The following PXDC1 variants were observed in gnomAD, a reference collection of about 807,000 sequenced individuals.
PXDC1 encodes the protein PX domain-containing protein 1.
Under a neutral mutation model 24.4 loss-of-function variants are expected in PXDC1, and 13 were observed. The observed-to-expected ratio is 0.53, with a 90% confidence interval of 0.35 to 0.85. PXDC1 has a LOEUF of 0.85. PXDC1 is among the 40% of genes least tolerant of loss of function. The pLI is 0.01. For synonymous variants in PXDC1, 162 were observed against 124.9 expected (o/e 1.30, Z -1.98); for missense variants, 344 against 309.3 (o/e 1.11, Z -0.84).
chr6:3,734,595 C>G (rs1760273487), intron 3 of PXDC1, among the ~76,000 whole-genome samples: 1 of 152,116 alleles, frequency 6.6e-6, no homozygotes, highest in African/African-American at 2.4e-5. Flanking sequence ...ACCCAGTCAT[C>G]CTCACTCTCC....
chr6:3,749,853 G>A (rs994259999), intron 1 of PXDC1, among the ~76,000 whole-genome samples: 1 of 152,226 alleles, frequency 6.6e-6, no homozygotes. Flanking sequence ...AGGGACTCCA[G>A]TGTATTTAAG....
intron 3 of PXDC1, among the ~76,000 whole-genome samples, chr6:3,734,954 A>G (rs1218930508): frequency 6.6e-6 from 1 of 152,024 alleles, no homozygotes; most frequent in Non-Finnish European, 1.5e-5. Flanking sequence ...GCATGATGGG[A>G]TACGCCTGTA....
intron 1 of PXDC1, among the ~76,000 whole-genome samples, chr6:3,738,542 C>A (rs1377568213): frequency 6.6e-6 from 1 of 152,210 alleles, no homozygotes; most frequent in Admixed American, 6.5e-5. Context: ...ACCAGCCCAC[C>A]CCCAGTGACA....
chr6:3,751,165 G>C lies in PXDC1; in HGVS notation c.256+111C>G, dbSNP rs1760706282. 5 of 875,458 alleles carry C rather than the reference G, an allele frequency of 5.7e-6. No homozygotes were observed. The East Asian group carries it at 1.6e-4, about 28-fold the overall frequency. 54.2% of individuals were successfully genotyped at this position (875,458 alleles called of 1,614,324 possible). On this transcript the variant is annotated intron_variant, in intron 1 of 4. Coordinates refer to ENST00000380283, the MANE Select transcript of PXDC1 (RefSeq NM_183373.4). ...CGGGGTCCAAGTGTCCCCTGTCCAG[G>C]GCGGGCAGAAAGGAGAAGTCGCAAT... is the stretch of plus-strand genomic sequence containing the variant.
chr6:3,750,829 C>G (rs537465046), intron 1 of PXDC1, among the ~76,000 whole-genome samples: 1 of 152,148 alleles, frequency 6.6e-6, no homozygotes, highest in African/African-American at 2.4e-5. Flanking sequence ...GCGGCCAGAC[C>G]CGACGCGACC....
At chr6:3,749,908 G>C (rs1247384136) in intron 1 of PXDC1, among the ~76,000 whole-genome samples, 1 of 152,168 alleles carries the variant, frequency 6.6e-6, no homozygotes, top group African/African-American at 2.4e-5. Context: ...GTTCCTTCAC[G>C]ATGCTTTCCT....
chr6:3,723,162 G>C lies in PXDC1; in HGVS notation c.*457C>G, dbSNP rs985038501. ...TCCCCTGCCTGTGGCACCTGGAATG[G>C]GTGACTTGTCAAAATCTCCCTCAAG... On this transcript the variant is annotated 3_prime_UTR_variant, in exon 5 of 5. Coordinates refer to ENST00000380283, the MANE Select transcript of PXDC1 (RefSeq NM_183373.4). 6.2e-6 allele frequency: 1 copy of C among 160,164 alleles called. No individual in the cohort carries two copies. The highest frequency in any genetic ancestry group is 2.4e-5 in the African/African-American group (1 of 41,842). 9.9% of individuals were successfully genotyped at this position (160,164 alleles called of 1,614,324 possible). A position where few individuals can be genotyped will look rare whatever the true frequency, so the allele number is the denominator to read the frequency against.
rs2127597400 is a variant in PXDC1 at position 3,724,437 on chromosome 6, A to G, written c.579-701T>C. ...CTGGAACTGTTTCTACTCCCTCTGCAGCCCAGGCAGACTTCCTACGTTAAG... is the reference window on the plus strand; with the variant it reads ...CTGGAACTGTTTCTACTCCCTCTGCGGCCCAGGCAGACTTCCTACGTTAAG... On this transcript the variant is annotated intron_variant, in intron 4 of 4. Transcript: ENST00000380283. This position sits in a 1 kb window ranked among gnomAD's most constrained non-coding sequence, Gnocchi z 4.5. Among the ~76,000 whole-genome samples the G allele has an allele frequency of 6.6e-6, 1 of 152,312 alleles. No homozygotes were observed. Among genetic ancestry groups the G allele is most frequent in the African/African-American group, 2.4e-5 (1 of 41,564 alleles).
Position 3,725,857 on chromosome 6 carries a change from G to A in PXDC1, c.578+1694C>T, listed in dbSNP as rs1321638466. On this transcript the variant is annotated intron_variant, in intron 4 of 4. Transcript: ENST00000380283. The surrounding 1 kb of genome is among the most constrained non-coding windows in gnomAD (Gnocchi z 4.8). Reference sequence around the variant, plus strand: ...CCTCCAGATGCTCCCGAGCCCCATGGCGGCAGGCGTTTCTTTGTTAGGCTT... The same window carrying A: ...CCTCCAGATGCTCCCGAGCCCCATGACGGCAGGCGTTTCTTTGTTAGGCTT... 1.3e-5 allele frequency among the ~76,000 whole-genome samples: 2 copies of A among 152,208 alleles called. No homozygotes were observed. The highest frequency in any genetic ancestry group is 2.9e-5 in the Non-Finnish European group (2 of 68,026).
In PXDC1 at chr6:3,737,607, G is replaced by A. The variant is rs971477934; in HGVS notation, c.349-411C>T. ...TTAACCACCACTCACGACGAAGCCC[G>A]CAGGCTTACATGGAAAGGGAGTTGA... On this transcript the variant is annotated intron_variant, in intron 2 of 4. Transcript: ENST00000380283. The surrounding 1 kb of genome is among the most constrained non-coding windows in gnomAD (Gnocchi z 5.5). 2.7e-5 allele frequency: 26 copies of A among 972,922 alleles called. No homozygotes were observed. Among genetic ancestry groups the A allele is most frequent in the South Asian group, 1.4e-4 (3 of 21,060 alleles). The allele number at this position is 972,922 out of a possible 1,614,324, so 60.3% of individuals were successfully genotyped here.
intron 1 of PXDC1, among the ~76,000 whole-genome samples, chr6:3,743,518 A>G (rs1212542683): frequency 2.0e-5 from 3 of 152,122 alleles, no homozygotes; most frequent in Non-Finnish European, 4.4e-5. Context: ...ACTATAATAC[A>G]CATCTTGGAA....
intron 3 of PXDC1, among the ~76,000 whole-genome samples, chr6:3,731,426 T>C (rs1419927900): frequency 6.6e-6 from 1 of 152,256 alleles, no homozygotes; most frequent in Non-Finnish European, 1.5e-5. Flanking sequence ...TTAGTATCTA[T>C]AGCAAGAATC....
At chr6:3,729,313 A>G (rs1361685069) in intron 3 of PXDC1, among the ~76,000 whole-genome samples, 1 of 152,198 alleles carries the variant, frequency 6.6e-6, no homozygotes, top group Non-Finnish European at 1.5e-5. Flanking sequence ...TTACACAAAA[A>G]TGAGGAAAGA....
Position 3,737,988 on chromosome 6 carries a change from G to A in PXDC1, c.348+69C>T, listed in dbSNP as rs1044690886. ...AAGTCAACCCTCCGGGGGGATGGACGCCTTTCGCATTTGGGAGGTGCCAGC... is the reference window on the plus strand; with the variant it reads ...AAGTCAACCCTCCGGGGGGATGGACACCTTTCGCATTTGGGAGGTGCCAGC... On this transcript the variant is annotated intron_variant, in intron 2 of 4. Transcript: ENST00000380283. The surrounding 1 kb of genome is among the most constrained non-coding windows in gnomAD (Gnocchi z 5.5). 22 of 1,267,304 alleles carry A rather than the reference G, an allele frequency of 1.7e-5. No individual in the cohort carries two copies. Among genetic ancestry groups the A allele is most frequent in the Admixed American group, 7.1e-5 (4 of 56,360 alleles). The allele number at this position is 1,267,304 out of a possible 1,614,324, so 78.5% of individuals were successfully genotyped here. A position where few individuals can be genotyped will look rare whatever the true frequency, so the allele number is the denominator to read the frequency against.
At chr6:3,751,189 A>G in intron 1 of PXDC1, 87 bp downstream of exon 1, 1 of 1,055,698 alleles carries the variant, frequency 9.5e-7, no homozygotes, top group African/African-American at 1.7e-5. Context: ...AGAAGTCGCA[A>G]TCTCGGTTGA....
At chr6:3,741,720 G>T (rs1760452087) in intron 1 of PXDC1, among the ~76,000 whole-genome samples, 2 of 152,224 alleles carry the variant, frequency 1.3e-5, no homozygotes, top group African/African-American at 4.8e-5. Context: ...ACGGCGACAA[G>T]AACGCAGCGC....
In PXDC1 at chr6:3,726,353, G is replaced by C. The variant is rs1213333402; in HGVS notation, c.578+1198C>G. Among the ~76,000 whole-genome samples the C allele has an allele frequency of 2.6e-5, 4 of 152,266 alleles. No homozygotes were observed. In the East Asian group the frequency reaches 7.7e-4, roughly 29 times the overall value. On this transcript the variant is annotated intron_variant, in intron 4 of 4. Coordinates refer to ENST00000380283, the MANE Select transcript of PXDC1 (RefSeq NM_183373.4). The stretch of plus-strand genomic sequence containing the variant: ...GTAATGAGTGAATGAGCTATGTACA[G>C]TGGGGTCAGGGCAAGGGACACAAAA...
rs1219331565 is a variant in PXDC1 at position 3,724,777 on chromosome 6, G to A, written c.579-1041C>T. On this transcript the variant is annotated intron_variant, in intron 4 of 4. Transcript: ENST00000380283. The surrounding 1 kb of genome is among the most constrained non-coding windows in gnomAD (Gnocchi z 4.5). ...GATGACTGCACAGTCCAGGCCCCTGGCCGGACACACAACAAGGCAGGGCGA... is the reference window on the plus strand; with the variant it reads ...GATGACTGCACAGTCCAGGCCCCTGACCGGACACACAACAAGGCAGGGCGA... Among the ~76,000 whole-genome samples, 4 of 152,248 alleles carry A rather than the reference G, an allele frequency of 2.6e-5. No individual in the cohort carries two copies. The highest frequency in any genetic ancestry group is 4.4e-5 in the Non-Finnish European group (3 of 68,040).
Position 3,725,022 on chromosome 6 carries a change from C to A in PXDC1, c.579-1286G>T, listed in dbSNP as rs112451025. 9.1e-4 allele frequency among the ~76,000 whole-genome samples: 138 copies of A among 152,236 alleles called. No homozygotes were observed. The highest frequency in any genetic ancestry group is 3.1e-3 in the African/African-American group (130 of 41,548). On this transcript the variant is annotated intron_variant, in intron 4 of 4. Coordinates refer to ENST00000380283, the MANE Select transcript of PXDC1 (RefSeq NM_183373.4). This position sits in a 1 kb window ranked among gnomAD's most constrained non-coding sequence, Gnocchi z 4.8. ...CAACACGAGGCTGGGACAGAGGCCG[C>A]GGCACAAAGAGCCCTAGCTGTGGGT... is the stretch of plus-strand genomic sequence containing the variant.
Sources: allele counts gnomAD v4.1 joint callset (sites outside exome capture counted in the v4.1 genomes callset), GRCh38; gene constraint gnomAD v4.1.1; non-coding constraint Gnocchi (gnomAD v3.1); transcripts MANE v1.5; gene names NCBI Gene and HGNC (gene_info 2026-07-23, HGNC 2026-07-21).